Variants in NKAIN3 observed in about 807,000 individuals in gnomAD.
The protein encoded by NKAIN3 is sodium/potassium-transporting ATPase subunit beta-1-interacting protein 3.
NKAIN3 carries 25 observed loss-of-function variants against 30.2 expected under a neutral mutation model. The observed-to-expected ratio is 0.83, with a 90% CI of 0.60 to 1.16. The LOEUF is 1.16. NKAIN3 is among the 50% of genes most tolerant of loss of function. The pLI is 0.00. For synonymous variants in NKAIN3, 91 were observed against 89.6 expected (o/e 1.02, Z -0.09); for missense variants, 225 against 254.1 (o/e 0.89, Z 0.78).
chr8:62,974,709 G>A lies in NKAIN3; in HGVS notation c.*9302G>A, dbSNP rs1823907222. 6.6e-6 allele frequency among the ~76,000 whole-genome samples: 1 copy of A among 152,196 alleles called. No individual in the cohort carries two copies. The highest frequency in any genetic ancestry group is 6.5e-5 in the Admixed American group (1 of 15,288). ...ACTTCTAATACTGTGTTGAATAGGA[G>A]TGGTGAGACAAGCCACCCTTGTCTT... is the stretch of plus-strand genomic sequence containing the variant. On this transcript the variant is annotated 3_prime_UTR_variant, in exon 7 of 7. Transcript: ENST00000623646.
At chr8:62,852,607 C>T (rs1439820005) in intron 4 of NKAIN3, among the ~76,000 whole-genome samples, 2 of 151,996 alleles carry the variant, frequency 1.3e-5, no homozygotes, top group Non-Finnish European at 2.9e-5. Context: ...ATAAATTTCC[C>T]TCTACACACT....
chr8:62,814,182 T>C (rs1472194462), intron 4 of NKAIN3, among the ~76,000 whole-genome samples: 1 of 152,062 alleles, frequency 6.6e-6, no homozygotes, highest in South Asian at 2.1e-4. Context: ...TCTTCATACC[T>C]CTCCCAAGAC....
chr8:62,382,783 G>A (rs776878237), intron 1 of NKAIN3, among the ~76,000 whole-genome samples: 3 of 151,972 alleles, frequency 2.0e-5, no homozygotes, highest in Non-Finnish European at 4.4e-5. Flanking sequence ...TAATTTCTCC[G>A]ATATCTATAT....
chr8:62,289,695 C>A lies in NKAIN3; in HGVS notation c.54+40568C>A, dbSNP rs573002472. 3.3e-5 allele frequency among the ~76,000 whole-genome samples: 5 copies of A among 152,154 alleles called. No individual in the cohort carries two copies. In the East Asian group the frequency reaches 9.7e-4, roughly 29 times the overall value. On this transcript the variant is annotated intron_variant, in intron 1 of 6. Transcript: ENST00000623646. ...GTAGGGTGATGCCTCCAGCTTTGTT[C>A]TTTTGGCTTAGGATTGTCTTGGCAA...
Position 62,746,908 on chromosome 8 carries a change from C to T in NKAIN3, c.274-24C>T, listed in dbSNP as rs752449955. The T allele has an allele frequency of 3.2e-6, 5 of 1,550,504 alleles. No homozygotes were observed. In the Admixed American group the frequency reaches 5.1e-5, roughly 16 times the overall value. On this transcript the variant is annotated intron_variant, in intron 3 of 6. Transcript: ENST00000623646. Reference sequence around the variant, plus strand: ...GATGTAATACAATTTCCTCATTTTGCTCTTTTGTCTCCTACCCACCTAGGA... The same window carrying T: ...GATGTAATACAATTTCCTCATTTTGTTCTTTTGTCTCCTACCCACCTAGGA...
At chr8:62,781,506 A>C (rs2130653607) in intron 4 of NKAIN3, among the ~76,000 whole-genome samples, 1 of 152,162 alleles carries the variant, frequency 6.6e-6, no homozygotes, top group Middle Eastern at 3.4e-3. Context: ...TGGTGGCATC[A>C]CATTATCTGA....
At chr8:62,717,491 G>T (rs1219822773) in intron 3 of NKAIN3, among the ~76,000 whole-genome samples, 1 of 150,874 alleles carries the variant, frequency 6.6e-6, no homozygotes, top group East Asian at 1.9e-4. Flanking sequence ...ATGCTTTATT[G>T]TAATTAAGGG....
chr8:62,654,099 A>G (rs568385716), intron 3 of NKAIN3, among the ~76,000 whole-genome samples: 4 of 152,216 alleles, frequency 2.6e-5, no homozygotes, highest in Admixed American at 2.0e-4. Context: ...GACTCCTATC[A>G]CTAACATCCT....
At chr8:62,784,230 A>C (rs1370472605) in intron 4 of NKAIN3, among the ~76,000 whole-genome samples, 1 of 151,998 alleles carries the variant, frequency 6.6e-6, no homozygotes, top group East Asian at 1.9e-4. Context: ...TAACTAGAAG[A>C]AGTGCAAACT....
intron 1 of NKAIN3, among the ~76,000 whole-genome samples, chr8:62,444,843 C>T (rs1056960414): frequency 5.3e-5 from 8 of 152,160 alleles, no homozygotes; most frequent in African/African-American, 1.7e-4. Flanking sequence ...TAGTGTTCTG[C>T]CTTCTCCACA....
intron 1 of NKAIN3, among the ~76,000 whole-genome samples, chr8:62,413,198 A>T (rs1283744154): frequency 6.6e-6 from 1 of 152,182 alleles, no homozygotes; most frequent in African/African-American, 2.4e-5. Context: ...GCTGGTGGGA[A>T]TGTAAATTTG....
intron 4 of NKAIN3, among the ~76,000 whole-genome samples, chr8:62,747,754 T>C (rs1816130410): frequency 6.6e-6 from 1 of 152,200 alleles, no homozygotes; most frequent in African/African-American, 2.4e-5. Flanking sequence ...GTGGAATTAA[T>C]TTAAGGATGT....
intron 3 of NKAIN3, among the ~76,000 whole-genome samples, chr8:62,724,785 T>C (rs1815203906): frequency 6.6e-6 from 1 of 152,170 alleles, no homozygotes; most frequent in Non-Finnish European, 1.5e-5. Context: ...CTTTTGTTGA[T>C]GGACACTTGT....
At chr8:62,899,829 C>G (rs1291193286) in intron 4 of NKAIN3, among the ~76,000 whole-genome samples, 1 of 151,964 alleles carries the variant, frequency 6.6e-6, no homozygotes, top group Non-Finnish European at 1.5e-5. Context: ...CATTCCATGC[C>G]TGTATCAAAA....
chr8:62,673,482 A>G (rs1011739345), intron 3 of NKAIN3, among the ~76,000 whole-genome samples: 1 of 152,210 alleles, frequency 6.6e-6, no homozygotes, highest in Non-Finnish European at 1.5e-5. Context: ...TGGAAGAGCT[A>G]AAGTAAATAG....
chr8:62,530,361 G>T (rs1470310129), intron 1 of NKAIN3, among the ~76,000 whole-genome samples: 1 of 152,110 alleles, frequency 6.6e-6, no homozygotes, highest in Non-Finnish European at 1.5e-5. Context: ...TAAAAGTTAG[G>T]TCTTTATCCT....
At chr8:62,859,615 T>C (rs544237751) in intron 4 of NKAIN3, among the ~76,000 whole-genome samples, 17 of 151,062 alleles carry the variant, frequency 1.1e-4, no homozygotes, top group Non-Finnish European at 2.1e-4. Context: ...CGTGTGTGTG[T>C]GTGCATGCGT....
At chr8:62,386,914 T>TGAGA (rs141443243) in intron 1 of NKAIN3, among the ~76,000 whole-genome samples, 16,600 of 147,758 alleles carry the variant, frequency 0.11, 1,089 homozygotes, top group East Asian at 0.34. Flanking sequence ...AATTGATATA[T>TGAGA]GAGAGAGAGA....
At chr8:62,917,094 C>T (rs1822129588) in intron 4 of NKAIN3, among the ~76,000 whole-genome samples, 1 of 152,110 alleles carries the variant, frequency 6.6e-6, no homozygotes, top group Non-Finnish European at 1.5e-5. Flanking sequence ...ATGGCTCCAA[C>T]TCCAGAACAG....
Sources: allele counts gnomAD v4.1 joint callset (sites outside exome capture counted in the v4.1 genomes callset), GRCh38; gene constraint gnomAD v4.1.1; transcripts MANE v1.5; gene names NCBI Gene and HGNC (gene_info 2026-07-23, HGNC 2026-07-21).